The following KCNQ3 variants were observed in gnomAD, a reference collection of about 807,000 sequenced individuals.
KCNQ3 encodes the protein potassium voltage-gated channel subfamily KQT member 3.
Under a neutral mutation model 92.5 loss-of-function variants are expected in KCNQ3, and 30 were observed. The observed-to-expected ratio is 0.32, with a 90% CI of 0.24 to 0.44. The LOEUF is 0.44. Among genes scored for constraint, KCNQ3 ranks in the 20% least tolerant of loss-of-function variants. The probability of loss-of-function intolerance (pLI) is 1.00; values close to 1 mark genes in which losing one functional copy is unlikely to be tolerated. For missense variants in KCNQ3, 913 were observed against 1,140.3 expected (o/e 0.80, Z 2.87); for synonymous variants, 450 against 468.8 (o/e 0.96, Z 0.52).
At chr8:132,233,378 T>C (rs1814702657) in intron 1 of KCNQ3, among the ~76,000 whole-genome samples, 1 of 152,242 alleles carries the variant, frequency 6.6e-6, no homozygotes, top group South Asian at 2.1e-4. Flanking sequence ...CATAAAATTA[T>C]TTCAACTCAA....
chr8:132,236,350 A>G (rs1449652597), intron 1 of KCNQ3, among the ~76,000 whole-genome samples: 1 of 151,604 alleles, frequency 6.6e-6, no homozygotes, highest in African/African-American at 2.4e-5. Flanking sequence ...TTCTATCCAA[A>G]CACACGAAGC....
At chr8:132,398,153 T>C (rs188143830) in intron 1 of KCNQ3, among the ~76,000 whole-genome samples, 38 of 152,252 alleles carry the variant, frequency 2.5e-4, no homozygotes, top group African/African-American at 8.9e-4. Context: ...TTTTGGTTTT[T>C]TTGTCAAAAG....
chr8:132,273,774 A>T (rs548173269), intron 1 of KCNQ3, among the ~76,000 whole-genome samples: 13 of 152,158 alleles, frequency 8.5e-5, no homozygotes, highest in Non-Finnish European at 1.8e-4. Context: ...ACTCTAAATA[A>T]ACTCTCTCAA....
rs866402671 is a variant in KCNQ3 at position 132,122,314 on chromosome 8, A to C, written c.*6948T>G. 6.6e-6 allele frequency: 1 copy of C among 152,236 alleles called. No individual in the cohort carries two copies. Among genetic ancestry groups the C allele is most frequent in the Non-Finnish European group, 1.5e-5 (1 of 68,038 alleles). The allele number at this position is 152,236 out of a possible 1,614,324, so 9.4% of individuals were successfully genotyped here. A position where few individuals can be genotyped will look rare whatever the true frequency, so the allele number is the denominator to read the frequency against. ...AAGCAACTCATAAGGAGTGCTTAGG[A>C]TAAGTTTCTCTCCCCTTCCCTGACC... On this transcript the variant is annotated 3_prime_UTR_variant, in exon 15 of 15. Coordinates refer to ENST00000388996, the MANE Select transcript of KCNQ3 (RefSeq NM_004519.4).
intron 1 of KCNQ3, among the ~76,000 whole-genome samples, chr8:132,224,541 C>A (rs1201380498): frequency 6.6e-6 from 1 of 152,098 alleles, no homozygotes; most frequent in East Asian, 1.9e-4. Flanking sequence ...GACTCACAAA[C>A]TTCTCCATCA....
intron 1 of KCNQ3, among the ~76,000 whole-genome samples, chr8:132,327,237 G>C (rs766941576): frequency 2.6e-5 from 4 of 152,136 alleles, no homozygotes; most frequent in Non-Finnish European, 5.9e-5. Flanking sequence ...GCCAACCAAA[G>C]AAAACTGAGA....
Position 132,432,522 on chromosome 8 carries a change from C to CACTA in KCNQ3, c.386+47621_386+47624dup, listed in dbSNP as rs1382524545. 3.9e-5 allele frequency among the ~76,000 whole-genome samples: 6 copies of CACTA among 152,302 alleles called. No individual in the cohort carries two copies. In the East Asian group the frequency reaches 1.2e-3, roughly 29 times the overall value. On this transcript the variant is annotated intron_variant, in intron 1 of 14. Coordinates refer to ENST00000388996, the MANE Select transcript of KCNQ3 (RefSeq NM_004519.4). ...TTTCTGTATTCCAGTATAATAGCTT[C>CACTA]ACTAGCCTCCTAACTCATCTCCTTC...
At chr8:132,235,249 A>G (rs758408522) in intron 1 of KCNQ3, among the ~76,000 whole-genome samples, 39 of 147,374 alleles carry the variant, frequency 2.6e-4, no homozygotes, top group East Asian at 2.0e-4. Flanking sequence ...TTGTAATCCC[A>G]GGACTTTGGG....
At chr8:132,256,026 T>A (rs533170448) in intron 1 of KCNQ3, among the ~76,000 whole-genome samples, 9 of 152,204 alleles carry the variant, frequency 5.9e-5, no homozygotes, top group African/African-American at 2.2e-4. Context: ...AAAAATTGTC[T>A]GTGAGGAAGC....
chr8:132,470,254 G>A (rs1055174807), intron 1 of KCNQ3, among the ~76,000 whole-genome samples: 1 of 152,118 alleles, frequency 6.6e-6, no homozygotes, highest in African/African-American at 2.4e-5. Flanking sequence ...CTGTCATCTG[G>A]ACTCACGTGT....
At chr8:132,185,530 GCAAA>G (rs750833880) in intron 2 of KCNQ3, among the ~76,000 whole-genome samples, 11 of 151,952 alleles carry the variant, frequency 7.2e-5, no homozygotes, top group Non-Finnish European at 1.6e-4. Flanking sequence ...AAGGACTTGA[GCAAA>G]CAGAGTCAGG....
intron 1 of KCNQ3, among the ~76,000 whole-genome samples, chr8:132,291,456 T>A (rs1205797465): frequency 6.6e-6 from 1 of 152,234 alleles, no homozygotes; most frequent in East Asian, 1.9e-4. Flanking sequence ...CATGTAAATC[T>A]ATATTATCAT....
At chr8:132,379,003 A>C (rs1308016192) in intron 1 of KCNQ3, among the ~76,000 whole-genome samples, 2 of 152,240 alleles carry the variant, frequency 1.3e-5, no homozygotes, top group Non-Finnish European at 2.9e-5. Flanking sequence ...AAAGTTATTG[A>C]ACGTTGAGTT....
At chr8:132,463,721 A>G (rs1822110978) in intron 1 of KCNQ3, among the ~76,000 whole-genome samples, 1 of 152,216 alleles carries the variant, frequency 6.6e-6, no homozygotes, top group African/African-American at 2.4e-5. Context: ...GGCACATCAG[A>G]ACTCACACTT....
intron 1 of KCNQ3, among the ~76,000 whole-genome samples, chr8:132,475,327 G>C (rs1822386230): frequency 6.6e-6 from 1 of 152,224 alleles, no homozygotes; most frequent in Non-Finnish European, 1.5e-5. Context: ...GGTTGGGACA[G>C]TCTAGAGGGC....
intron 1 of KCNQ3, among the ~76,000 whole-genome samples, chr8:132,294,444 G>A (rs1404401855): frequency 2.0e-5 from 3 of 152,164 alleles, no homozygotes; most frequent in Admixed American, 2.0e-4. Context: ...GAATCAAAGA[G>A]AGAAAGAAAA....
At chr8:132,356,149 G>A (rs1348618849) in intron 1 of KCNQ3, among the ~76,000 whole-genome samples, 3 of 152,216 alleles carry the variant, frequency 2.0e-5, no homozygotes, top group African/African-American at 7.2e-5. Context: ...CAGGCACTGA[G>A]TGGAGGCTCC....
rs114014040 is a variant in KCNQ3, at chr8:132,248,683, C to T, written c.387-62502G>A. Among the ~76,000 whole-genome samples the T allele has an allele frequency of 4.8e-3, 726 of 152,318 alleles. 12 individuals are homozygous for T. Among genetic ancestry groups the T allele is most frequent in the African/African-American group, 0.017 (689 of 41,568 alleles). On this transcript the variant is annotated intron_variant, in intron 1 of 14. Transcript: ENST00000388996. ...CCCTGTGGTTCACCTGGGGCTGCAC[C>T]TCTTCCAGTCCCACCAGAACTGGGC... is the stretch of plus-strand genomic sequence containing the variant.
intron 9 of KCNQ3, among the ~76,000 whole-genome samples, chr8:132,160,583 A>C (rs992697445): frequency 6.6e-6 from 1 of 152,058 alleles, no homozygotes; most frequent in Non-Finnish European, 1.5e-5. Flanking sequence ...GTCATATATA[A>C]AATAAGAACC....
Sources: allele counts gnomAD v4.1 joint callset (sites outside exome capture counted in the v4.1 genomes callset), GRCh38; gene constraint gnomAD v4.1.1; transcripts MANE v1.5; gene names NCBI Gene and HGNC (gene_info 2026-07-23, HGNC 2026-07-21).